The following EPHA6 variants were observed in gnomAD, a reference collection of about 807,000 sequenced individuals.
The protein encoded by EPHA6 is ephrin type-A receptor 6.
In EPHA6, 50 loss-of-function variants were observed where a neutral mutation model predicts 112.0. That is an observed-to-expected ratio of 0.45 (90% CI 0.36 to 0.56). EPHA6 has a LOEUF of 0.56. EPHA6 is among the 20% of genes least tolerant of loss of function. The pLI, the probability that EPHA6 is intolerant of heterozygous loss-of-function variation, is 0.00. For missense variants in EPHA6, 1,280 were observed against 1,417.4 expected (o/e 0.90, Z 1.56); for synonymous variants, 529 against 490.7 (o/e 1.08, Z -1.03).
chr3:97,693,868 A>G (rs1425660873), intron 14 of EPHA6, among the ~76,000 whole-genome samples: 1 of 152,184 alleles, frequency 6.6e-6, no homozygotes, highest in Non-Finnish European at 1.5e-5. Flanking sequence ...TAAGCACTCA[A>G]TAAATGTTAG....
At chr3:97,056,082 A>C (rs2045841906) in intron 3 of EPHA6, among the ~76,000 whole-genome samples, 1 of 152,182 alleles carries the variant, frequency 6.6e-6, no homozygotes, top group Non-Finnish European at 1.5e-5. Context: ...CCATCATTCC[A>C]GTACCTTGAT....
intron 3 of EPHA6, among the ~76,000 whole-genome samples, chr3:97,221,857 C>G (rs913497619): frequency 6.6e-6 from 1 of 151,960 alleles, no homozygotes; most frequent in Non-Finnish European, 1.5e-5. Flanking sequence ...ATGGTGAAAC[C>G]CGATCTCTAC....
At chr3:96,841,950 CT>C (rs1229254614) in intron 1 of EPHA6, among the ~76,000 whole-genome samples, 3 of 152,076 alleles carry the variant, frequency 2.0e-5, no homozygotes, top group Non-Finnish European at 4.4e-5. Context: ...GTCTATTCTT[CT>C]TACCATCATC....
At chr3:97,329,525 G>T (rs1201259535) in intron 5 of EPHA6, among the ~76,000 whole-genome samples, 1 of 150,188 alleles carries the variant, frequency 6.7e-6, no homozygotes, top group South Asian at 2.1e-4. Flanking sequence ...GGTGTGAGAT[G>T]GTATCTCATT....
chr3:97,753,052 C>T lies in EPHA6; in HGVS notation c.*4351C>T, dbSNP rs1443444705. ...GGGTTAAATGGATGGTATTCTTCCA[C>T]CAGAATATAAGATACTTAAGTCACC... On this transcript the variant is annotated 3_prime_UTR_variant, in exon 18 of 18. Coordinates refer to ENST00000389672, the MANE Select transcript of EPHA6 (RefSeq NM_001080448.3). 6.6e-6 allele frequency among the ~76,000 whole-genome samples: 1 copy of T among 152,064 alleles called. No individual in the cohort carries two copies.
At chr3:97,583,590 C>A (rs186534269) in intron 11 of EPHA6, among the ~76,000 whole-genome samples, 262 of 151,046 alleles carry the variant, frequency 1.7e-3, no homozygotes, top group African/African-American at 6.0e-3. Flanking sequence ...AAAATATGTA[C>A]AAGAACTGTA....
At chr3:97,682,601 G>A (rs2031949579) in intron 14 of EPHA6, among the ~76,000 whole-genome samples, 2 of 152,046 alleles carry the variant, frequency 1.3e-5, no homozygotes, top group Non-Finnish European at 2.9e-5. Context: ...TCCTTTTGCA[G>A]AAGTAATGAT....
intron 3 of EPHA6, among the ~76,000 whole-genome samples, chr3:97,116,622 A>T (rs944529210): frequency 1.3e-5 from 2 of 151,762 alleles, no homozygotes; most frequent in Admixed American, 1.3e-4. Context: ...TATTTTACTT[A>T]GCATAATGTC....
intron 9 of EPHA6, chr3:97,481,551 CGGGGCGCGGCGCGTCCGGCGCT>C (rs920733131): frequency 2.8e-5 from 20 of 717,516 alleles, no homozygotes; most frequent in Middle Eastern, 2.6e-4. Context: ...CTAGAGCCGC[CGGGGCGCGGCGCGTCCGGCGCT>C]GGGGGACTGT....
intron 3 of EPHA6, among the ~76,000 whole-genome samples, chr3:97,057,148 A>G (rs2045878514): frequency 6.6e-6 from 1 of 152,170 alleles, no homozygotes; most frequent in South Asian, 2.1e-4. Context: ...CATGTGTGTG[A>G]TTTTACTTTG....
At chr3:96,922,175 A>C (rs1010135535) in intron 2 of EPHA6, among the ~76,000 whole-genome samples, 1 of 152,212 alleles carries the variant, frequency 6.6e-6, no homozygotes, top group African/African-American at 2.4e-5. Flanking sequence ...ATTTTCTGGT[A>C]GGAACTCTAT....
chr3:96,829,982 C>CACACAA (rs1553713444), intron 1 of EPHA6, among the ~76,000 whole-genome samples: 1 of 148,154 alleles, frequency 6.7e-6, no homozygotes, highest in Non-Finnish European at 1.5e-5. Flanking sequence ...CACACACACA[C>CACACAA]ACACACAGAA....
At chr3:97,201,193 T>G (rs566103567) in intron 3 of EPHA6, among the ~76,000 whole-genome samples, 1 of 152,252 alleles carries the variant, frequency 6.6e-6, no homozygotes, top group African/African-American at 2.4e-5. Context: ...AAAGGAAAAT[T>G]TATTTCCTCC....
intron 3 of EPHA6, among the ~76,000 whole-genome samples, chr3:97,068,397 C>T (rs2046247596): frequency 6.6e-6 from 1 of 151,978 alleles, no homozygotes; most frequent in Non-Finnish European, 1.5e-5. Flanking sequence ...AAGCGCCTTT[C>T]TCTGAGATGG....
intron 3 of EPHA6, among the ~76,000 whole-genome samples, chr3:97,210,898 C>T (rs371333613): frequency 2.8e-4 from 43 of 152,258 alleles, no homozygotes; most frequent in African/African-American, 7.2e-4. Context: ...CTCACTTGTC[C>T]GGCAAATTGG....
chr3:97,599,277 C>G (rs2093622767), intron 12 of EPHA6, among the ~76,000 whole-genome samples: 1 of 150,096 alleles, frequency 6.7e-6, no homozygotes, highest in South Asian at 2.1e-4. Context: ...TTAATTAGAT[C>G]CCATTTGTCA....
At chr3:96,899,675 A>G (rs1166621748) in intron 2 of EPHA6, among the ~76,000 whole-genome samples, 1 of 152,214 alleles carries the variant, frequency 6.6e-6, no homozygotes, top group African/African-American at 2.4e-5. Flanking sequence ...AATATGTGAT[A>G]GTTATATATT....
intron 3 of EPHA6, among the ~76,000 whole-genome samples, chr3:97,038,339 C>T (rs2045187512): frequency 6.6e-6 from 1 of 151,940 alleles, no homozygotes; most frequent in Non-Finnish European, 1.5e-5. Flanking sequence ...CTGTGGTAAC[C>T]ACCAGTCCAT....
intron 3 of EPHA6, among the ~76,000 whole-genome samples, chr3:97,170,037 G>A (rs144312213): frequency 5.9e-5 from 9 of 151,894 alleles, no homozygotes; most frequent in Non-Finnish European, 1.3e-4. Context: ...CCTAGATGAC[G>A]GATTGATAGA....
Sources: gnomAD v4.1 joint callset for allele counts (sites outside exome capture counted in the v4.1 genomes callset) on GRCh38, gnomAD v4.1.1 for gene constraint, MANE v1.5 for transcripts, NCBI Gene and HGNC (gene_info 2026-07-23, HGNC 2026-07-21) for gene names.